COL9A1: variants seen among roughly 807,000 people sequenced by gnomAD.
COL9A1 encodes collagen alpha-1(IX) chain.
In COL9A1, 104 loss-of-function variants were observed where a neutral mutation model predicts 142.6. That is an observed-to-expected ratio of 0.73 (90% CI 0.62 to 0.86). The LOEUF (loss-of-function observed/expected upper bound fraction) is 0.86. COL9A1 is among the 40% of genes least tolerant of loss of function. The probability of loss-of-function intolerance (pLI) is 0.00; values close to 1 mark genes in which losing one functional copy is unlikely to be tolerated. For missense variants in COL9A1, 1,210 were observed against 1,176.6 expected (o/e 1.03, Z -0.42); for synonymous variants, 466 against 396.0 (o/e 1.18, Z -2.10).
chr6:70,221,024 A>G (rs1182744507), intron 37 of COL9A1, among the ~76,000 whole-genome samples: 1 of 152,232 alleles, frequency 6.6e-6, no homozygotes, highest in African/African-American at 2.4e-5. Context: ...AAACATTACT[A>G]CATATCCCAT....
rs145452739 is a variant in COL9A1 at position 70,277,957 on chromosome 6, A to C, written c.975+2855T>G. On this transcript the variant is annotated intron_variant, in intron 10 of 37. Transcript: ENST00000357250. ...CCCCTATGGCCAAGGACAAACAAAC[A>C]GCAAATTCTGACCCAGTTACTGCAT... Among the ~76,000 whole-genome samples the C allele has an allele frequency of 2.0e-5, 3 of 152,358 alleles. No individual in the cohort carries two copies. The East Asian group carries it at 5.8e-4, about 29-fold the overall frequency.
chr6:70,289,429 A>G (rs1481857861), intron 5 of COL9A1, among the ~76,000 whole-genome samples: 1 of 152,096 alleles, frequency 6.6e-6, no homozygotes, highest in Non-Finnish European at 1.5e-5. Context: ...ACTTCCAATC[A>G]TGGCTTCTGC....
intron 18 of COL9A1, among the ~76,000 whole-genome samples, chr6:70,266,075 T>C (rs1771990614): frequency 6.6e-6 from 1 of 152,150 alleles, no homozygotes; most frequent in East Asian, 1.9e-4. Context: ...ACTCTTACAC[T>C]AGTGGATGAA....
chr6:70,252,112 A>G lies in COL9A1; in HGVS notation c.1872+8T>C, dbSNP rs1298221227. Reference sequence around the variant, plus strand: ...GTGCTTTAGGAAAGAACAGCAAGGAATACTCACAGGAAGCCCCTGGGGTCC... The same window carrying G: ...GTGCTTTAGGAAAGAACAGCAAGGAGTACTCACAGGAAGCCCCTGGGGTCC... On this transcript the variant is annotated splice_region_variant and intron_variant, in intron 28 of 37. Transcript: ENST00000357250. The G allele has an allele frequency of 1.2e-6, 2 of 1,613,996 alleles. No homozygotes were observed. Among genetic ancestry groups the G allele is most frequent in the East Asian group, 2.2e-5 (1 of 44,884 alleles).
chr6:70,225,108 C>T (rs1192658105), intron 37 of COL9A1, among the ~76,000 whole-genome samples: 1 of 152,226 alleles, frequency 6.6e-6, no homozygotes, highest in Non-Finnish European at 1.5e-5. Context: ...CTCTCCTCAG[C>T]AACAGACCCC....
intron 37 of COL9A1, among the ~76,000 whole-genome samples, chr6:70,217,965 A>G (rs1768632188): frequency 6.6e-6 from 1 of 152,034 alleles, no homozygotes; most frequent in African/African-American, 2.4e-5. Context: ...AAATGGTGAA[A>G]CCTCATTTCT....
intron 11 of COL9A1, 45 bp from the exon 12 acceptor site, chr6:70,274,127 A>C: frequency 6.9e-7 from 1 of 1,455,212 alleles, no homozygotes; most frequent in Non-Finnish European, 9.5e-7. Context: ...TCATATCATG[A>C]ATATGTAAAT....
At chr6:70,262,626 GA>G (rs535387181) in intron 19 of COL9A1, among the ~76,000 whole-genome samples, 1 of 151,864 alleles carries the variant, frequency 6.6e-6, no homozygotes, top group African/African-American at 2.4e-5. Flanking sequence ...ATTTTAACAG[GA>G]AAAAAAGTGT....
intron 5 of COL9A1, among the ~76,000 whole-genome samples, chr6:70,291,706 G>C (rs545643896): frequency 1.4e-4 from 22 of 152,242 alleles, no homozygotes; most frequent in African/African-American, 5.3e-4. Flanking sequence ...TTCCTGCAAA[G>C]TAAATTCTGA....
At chr6:70,222,951 G>C (rs1187628095) in intron 37 of COL9A1, 1 of 152,130 alleles carries the variant, frequency 6.6e-6, no homozygotes, top group East Asian at 1.9e-4. Context: ...TGAGAGATCA[G>C]AAATCACATT....
chr6:70,239,978 A>C (rs1477790209), intron 32 of COL9A1, among the ~76,000 whole-genome samples: 1 of 152,230 alleles, frequency 6.6e-6, no homozygotes, highest in Non-Finnish European at 1.5e-5. Flanking sequence ...GAAAATATGA[A>C]TAAAACATTT....
intron 30 of COL9A1, 90 bp from the exon 31 acceptor site, chr6:70,241,544 A>C: frequency 1.9e-6 from 2 of 1,052,256 alleles, no homozygotes; most frequent in Non-Finnish European, 2.9e-6. Context: ...GATAAGCACA[A>C]GTACGGATAA....
rs1427603910 is a variant in COL9A1 at position 70,242,657 on chromosome 6, C to T, written c.1926+5G>A. On this transcript the variant is annotated splice_donor_5th_base_variant and intron_variant, in intron 29 of 37. Transcript: ENST00000357250. ...AAGGCAAATAAACGAAACTTTTCTA[C>T]TTACCAGTTTACCTGGTAGGCCTGG... The T allele has an allele frequency of 2.5e-6, 4 of 1,613,852 alleles. No individual in the cohort carries two copies. In the East Asian group the frequency reaches 8.9e-5, roughly 36 times the overall value.
chr6:70,238,137 A>G (rs1170411997), intron 33 of COL9A1, among the ~76,000 whole-genome samples: 1 of 152,134 alleles, frequency 6.6e-6, no homozygotes, highest in Non-Finnish European at 1.5e-5. Context: ...AGTGGGTTTT[A>G]TTTTTTTAAA....
In COL9A1 at chr6:70,255,063, T is replaced by A. The variant is rs575967378; in HGVS notation, c.1612-47A>T. 9.0e-5 allele frequency: 145 copies of A among 1,613,570 alleles called. 1 individual carries two copies. In the South Asian group the frequency reaches 1.5e-3, roughly 17 times the overall value. On this transcript the variant is annotated intron_variant, in intron 23 of 37. Transcript: ENST00000357250. ...TACTGTCTCTTACACACAGTCACATTCTTTTTCCCTTCATTATTTTCTAAA... is the reference window on the plus strand; with the variant it reads ...TACTGTCTCTTACACACAGTCACATACTTTTTCCCTTCATTATTTTCTAAA...
chr6:70,215,555 G>C (rs1768451675), downstream of COL9A1: 1 of 152,210 alleles, frequency 6.6e-6, no homozygotes, highest in Non-Finnish European at 1.5e-5. Context: ...GGATAGTTAA[G>C]TAGATGTTAA....
intron 20 of COL9A1, among the ~76,000 whole-genome samples, chr6:70,260,416 G>A (rs1350373822): frequency 6.6e-6 from 1 of 151,908 alleles, no homozygotes; most frequent in Non-Finnish European, 1.5e-5. Flanking sequence ...GGTGGCAGGC[G>A]CCTGTAATCC....
Position 70,281,390 on chromosome 6 carries a change from G to C in COL9A1, c.876C>G (p.Asp292Glu), listed in dbSNP as rs199570724. 10 of 1,613,176 alleles carry C rather than the reference G, an allele frequency of 6.2e-6. No homozygotes were observed. Among genetic ancestry groups the C allele is most frequent in the South Asian group, 1.1e-5 (1 of 91,014 alleles). ...PPGVPGIDGI[D>E]GDRGPKGPPG... ...AGGTGGCCTGGAGATAGAAACTTACGTCGATGCCATCGATGCCTGGAACTC... is the reference window on the plus strand; with the variant it reads ...AGGTGGCCTGGAGATAGAAACTTACCTCGATGCCATCGATGCCTGGAACTC... Residue 292 changes from aspartate (D) to glutamate (E), a missense_variant and splice_region_variant, in exon 8 of 38, where the codon GAC (aspartate) becomes GAG (glutamate). Asp to Glu is a conservative substitution (Grantham distance 45). Transcript: ENST00000357250.
chr6:70,293,058 A>G (rs930440186), intron 5 of COL9A1, among the ~76,000 whole-genome samples: 4 of 152,224 alleles, frequency 2.6e-5, no homozygotes, highest in Non-Finnish European at 5.9e-5. Context: ...GAACAATTCC[A>G]TTACTGAAAT....
Sources: allele counts gnomAD v4.1 joint callset (sites outside exome capture counted in the v4.1 genomes callset), GRCh38; gene constraint gnomAD v4.1.1; transcripts MANE v1.5; gene names NCBI Gene and HGNC (gene_info 2026-07-23, HGNC 2026-07-21).